SMYD3: variants seen among roughly 807,000 people sequenced by gnomAD.
SMYD3 encodes histone-lysine N-methyltransferase SMYD3.
Under a neutral mutation model 57.7 loss-of-function variants are expected in SMYD3, and 36 were observed. That is an observed-to-expected ratio of 0.62 (90% confidence interval 0.48 to 0.82). SMYD3 has a LOEUF of 0.82. Ranked by LOEUF, SMYD3 falls within the 40% of genes least tolerant of loss-of-function variation. SMYD3 has a pLI of 0.00. For missense variants in SMYD3, 515 were observed against 538.8 expected (o/e 0.96, Z 0.44); for synonymous variants, 211 against 195.0 (o/e 1.08, Z -0.68).
intron 1 of SMYD3, among the ~76,000 whole-genome samples, chr1:246,505,424 C>CTAAGGAG (rs1558495710): frequency 7.1e-6 from 1 of 139,984 alleles, no homozygotes. Context: ...AGTGAGTTTC[C>CTAAGGAG]CAAGGAGCAG....
intron 5 of SMYD3, among the ~76,000 whole-genome samples, chr1:246,269,543 C>CTTTTTTTTTTTTTTTTTTTTTTTT (rs570972296): frequency 3.7e-5 from 5 of 135,228 alleles, no homozygotes; most frequent in South Asian, 5.0e-4. Context: ...CTTTTTTTTT[C>CTTTTTTTTTTTTTTTTTTTTTTTT]TTTTTTTTTT....
At chr1:245,929,466 A>G (rs2056587623) in intron 6 of SMYD3, among the ~76,000 whole-genome samples, 1 of 152,236 alleles carries the variant, frequency 6.6e-6, no homozygotes, top group African/African-American at 2.4e-5. Flanking sequence ...GAAAGGGCTC[A>G]GAGTGTGCCA....
At chr1:246,345,720 G>C (rs1167444442) in intron 2 of SMYD3, among the ~76,000 whole-genome samples, 2 of 152,122 alleles carry the variant, frequency 1.3e-5, no homozygotes, top group African/African-American at 4.8e-5. Context: ...CCAATTCTAA[G>C]AAATAGCAAA....
At chr1:246,374,346 T>C (rs2066236924) in intron 1 of SMYD3, among the ~76,000 whole-genome samples, 1 of 152,210 alleles carries the variant, frequency 6.6e-6, no homozygotes, top group Admixed American at 6.5e-5. Flanking sequence ...CTGCAGTCAG[T>C]TGTGGACAGA....
At chr1:246,052,796 G>C (rs1269336587) in intron 5 of SMYD3, 1 of 152,246 alleles carries the variant, frequency 6.6e-6, no homozygotes, top group African/African-American at 2.4e-5. Context: ...TCTGAACACA[G>C]TGAGAACAAT....
chr1:246,223,001 A>G (rs557724012), intron 5 of SMYD3, among the ~76,000 whole-genome samples: 1 of 152,296 alleles, frequency 6.6e-6, no homozygotes, highest in East Asian at 1.9e-4. Flanking sequence ...TTTATTTCCT[A>G]TAGCATAAAG....
At chr1:246,099,189 A>C (rs1037396644) in intron 5 of SMYD3, among the ~76,000 whole-genome samples, 2 of 152,220 alleles carry the variant, frequency 1.3e-5, no homozygotes, top group Non-Finnish European at 2.9e-5. Flanking sequence ...ATAATATTCA[A>C]TTTGATACGT....
intron 8 of SMYD3, among the ~76,000 whole-genome samples, chr1:245,892,133 G>A (rs558189533): frequency 6.6e-6 from 1 of 152,312 alleles, no homozygotes; most frequent in Admixed American, 6.5e-5. Flanking sequence ...AAAGGGGGAA[G>A]AAAGCAGAGA....
rs1333820259 is a variant in SMYD3, at chr1:246,507,278, C to A, written c.-61G>T. ...CGTCCAGCAGCGGGCGTCTCACGGG[C>A]TGCCGGGACCCGCGCGCCTGCGCCC... On this transcript the variant is annotated 5_prime_UTR_variant, in exon 1 of 12. Coordinates refer to ENST00000490107, the MANE Select transcript of SMYD3 (RefSeq NM_001167740.2). 1 of 1,416,254 alleles carries A rather than the reference C, an allele frequency of 7.1e-7. No homozygotes were observed. The highest frequency in any genetic ancestry group is 9.3e-7 in the Non-Finnish European group (1 of 1,080,734). 87.7% of individuals were successfully genotyped at this position (1,416,254 alleles called of 1,614,324 possible).
rs538620862 is a variant in SMYD3, at chr1:245,799,283, G to A, written c.1077-35134C>T. Among the ~76,000 whole-genome samples, 4 of 152,300 alleles carry A rather than the reference G, an allele frequency of 2.6e-5. No homozygotes were observed. The South Asian group carries it at 8.3e-4, about 32-fold the overall frequency. ...GGGGCCGAGGGGAGGGGTTGCAGCA[G>A]CTCAGCAGGAAGGTCTGCCATGTCC... On this transcript the variant is annotated intron_variant, in intron 10 of 11. Coordinates refer to ENST00000490107, the MANE Select transcript of SMYD3 (RefSeq NM_001167740.2).
At chr1:245,922,277 TA>T (rs1203647017) in intron 7 of SMYD3, among the ~76,000 whole-genome samples, 2 of 152,218 alleles carry the variant, frequency 1.3e-5, no homozygotes, top group African/African-American at 2.4e-5. Flanking sequence ...ATTTCAGACT[TA>T]AAGGTACCTT....
intron 10 of SMYD3, among the ~76,000 whole-genome samples, chr1:245,817,105 A>C (rs1290182161): frequency 1.3e-5 from 2 of 151,404 alleles, no homozygotes; most frequent in Admixed American, 6.6e-5. Context: ...GGCACAGACA[A>C]ACAAAAACAC....
At chr1:246,334,632 G>A (rs560027207) in intron 3 of SMYD3, among the ~76,000 whole-genome samples, 1 of 152,292 alleles carries the variant, frequency 6.6e-6, no homozygotes, top group South Asian at 2.1e-4. Flanking sequence ...CTACCTCGGT[G>A]ATGGGATCCA....
chr1:245,839,442 T>G (rs2050284018), intron 10 of SMYD3, among the ~76,000 whole-genome samples: 1 of 151,898 alleles, frequency 6.6e-6, no homozygotes, highest in Non-Finnish European at 1.5e-5. Flanking sequence ...GTGCTGGGAT[T>G]ACAGGCATGA....
chr1:245,923,448 T>C (rs2056135402), intron 7 of SMYD3, among the ~76,000 whole-genome samples: 1 of 152,180 alleles, frequency 6.6e-6, no homozygotes, highest in Non-Finnish European at 1.5e-5. Flanking sequence ...CCAAGGTCTG[T>C]GATAAGGCTC....
chr1:246,092,554 T>C (rs148496564), intron 5 of SMYD3, among the ~76,000 whole-genome samples: 56 of 152,106 alleles, frequency 3.7e-4, no homozygotes, highest in African/African-American at 1.3e-3. Context: ...AAACTGGATA[T>C]CCATATATAG....
At chr1:246,274,646 C>T (rs58066257) in intron 5 of SMYD3, among the ~76,000 whole-genome samples, 3,663 of 152,256 alleles carry the variant, frequency 0.024, 147 homozygotes, top group African/African-American at 0.083. Context: ...ATTTTACTGA[C>T]TAGCCCTCAA....
intron 5 of SMYD3, among the ~76,000 whole-genome samples, chr1:246,069,178 A>T (rs186330220): frequency 1.3e-5 from 2 of 152,324 alleles, no homozygotes; most frequent in African/African-American, 2.4e-5. Flanking sequence ...ATTCTTAGTC[A>T]TGACCTTGTA....
chr1:246,326,232 CAAAAG>C, intron 5 of SMYD3: 1 of 437,458 alleles, frequency 2.3e-6, no homozygotes, highest in Non-Finnish European at 4.1e-6. Context: ...GCAAAATTGT[CAAAAG>C]TAAAGTTTTA....
Sources: gnomAD v4.1 joint callset for allele counts (sites outside exome capture counted in the v4.1 genomes callset) on GRCh38, gnomAD v4.1.1 for gene constraint, MANE v1.5 for transcripts, NCBI Gene and HGNC (gene_info 2026-07-23, HGNC 2026-07-21) for gene names.